The following GARRE1 variants were observed in gnomAD, a reference collection of about 807,000 sequenced individuals.
The protein encoded by GARRE1 is granule associated Rac and RHOG effector 1.
GARRE1 carries 49 observed loss-of-function variants against 103.2 expected under a neutral mutation model. The ratio of observed to expected loss-of-function variants is 0.47; its 90% confidence interval spans 0.38 to 0.60. The LOEUF (loss-of-function observed/expected upper bound fraction) is 0.60, where lower values mean the gene tolerates loss of function less well. GARRE1 is among the 20% of genes least tolerant of loss of function. The pLI is 0.00. For synonymous variants in GARRE1, 505 were observed against 532.8 expected, an observed-to-expected ratio of 0.95 and a Z score of 0.72; for missense variants, 1,199 against 1,370.5, an observed-to-expected ratio of 0.87 and a Z score of 1.98.
chr19:34,320,238 A>T (rs3745965), intron 3 of GARRE1, 122 bp downstream of exon 3: 81,774 of 838,232 alleles, frequency 0.098, 4,915 homozygotes, highest in African/African-American at 0.21. Context: ...AACTGTTATC[A>T]TTGGCTTGTT....
intron 1 of GARRE1, among the ~76,000 whole-genome samples, chr19:34,285,673 AC>A (rs796804929): frequency 6.6e-5 from 10 of 151,102 alleles, no homozygotes; most frequent in African/African-American, 9.7e-5. Context: ...CAGTTCCATG[AC>A]CTTTTTTTTT....
chr19:34,353,975 A>G lies in GARRE1; in HGVS notation c.*1020A>G, dbSNP rs1202198689. 1.3e-5 allele frequency: 2 copies of G among 152,658 alleles called. No individual in the cohort carries two copies. The highest frequency in any genetic ancestry group is 2.9e-5 in the Non-Finnish European group (2 of 68,040). 9.5% of individuals were successfully genotyped at this position (152,658 alleles called of 1,614,324 possible). ...GTTAACATGTGCCATTAAATAGATA[A>G]CATCCTGTGGATTTAGGGATATTTT... On this transcript the variant is annotated 3_prime_UTR_variant, in exon 14 of 14. Coordinates refer to ENST00000299505, the MANE Select transcript of GARRE1 (RefSeq NM_014686.5).
chr19:34,345,115 G>C (rs1239899741), intron 10 of GARRE1, among the ~76,000 whole-genome samples: 4 of 152,198 alleles, frequency 2.6e-5, no homozygotes, highest in Non-Finnish European at 4.4e-5. Context: ...TGGGATTACA[G>C]GCATGAGCCA....
At chr19:34,312,615 C>T (rs1233773432) in intron 2 of GARRE1, among the ~76,000 whole-genome samples, 2 of 152,186 alleles carry the variant, frequency 1.3e-5, no homozygotes, top group African/African-American at 4.8e-5. Flanking sequence ...TTGTAGCTCG[C>T]ATCAGAATTT....
chr19:34,318,471 GCT>G (rs1311290177), intron 2 of GARRE1, among the ~76,000 whole-genome samples: 2 of 152,234 alleles, frequency 1.3e-5, no homozygotes, highest in Non-Finnish European at 1.5e-5. Flanking sequence ...CTGTGAGTAG[GCT>G]CTCTCAGGTC....
intron 1 of GARRE1, among the ~76,000 whole-genome samples, chr19:34,264,572 G>T (rs2073739993): frequency 6.6e-6 from 1 of 152,082 alleles, no homozygotes; most frequent in Non-Finnish European, 1.5e-5. Flanking sequence ...CTAATTTTTT[G>T]TATTTTTAGT....
At chr19:34,289,994 G>A (rs2073908614) in intron 1 of GARRE1, among the ~76,000 whole-genome samples, 1 of 152,182 alleles carries the variant, frequency 6.6e-6, no homozygotes, top group African/African-American at 2.4e-5. Context: ...CTCAAATGCA[G>A]ATGTTCCTTG....
chr19:34,301,925 T>C (rs1228188883), intron 2 of GARRE1, among the ~76,000 whole-genome samples: 1 of 147,942 alleles, frequency 6.8e-6, no homozygotes, highest in East Asian at 2.0e-4. Context: ...CCTTGTGATC[T>C]GCCCGCCTTG....
intron 10 of GARRE1, among the ~76,000 whole-genome samples, chr19:34,345,891 T>C (rs2145283718): frequency 6.6e-6 from 1 of 152,372 alleles, no homozygotes; most frequent in East Asian, 1.9e-4. Flanking sequence ...TGGATACCTC[T>C]TCTGTCTGTA....
intron 7 of GARRE1, among the ~76,000 whole-genome samples, chr19:34,331,988 C>CT (rs988115951): frequency 7.0e-6 from 1 of 143,804 alleles, no homozygotes; most frequent in African/African-American, 2.6e-5. Flanking sequence ...AAGATCCAGT[C>CT]TTTAAAAAAA....
intron 10 of GARRE1, among the ~76,000 whole-genome samples, chr19:34,347,238 G>A (rs1568313031): frequency 6.6e-6 from 1 of 152,048 alleles, no homozygotes; most frequent in Non-Finnish European, 1.5e-5. Context: ...ACAGGCGCCT[G>A]CCACCGAACC....
intron 1 of GARRE1, chr19:34,296,548 T>G: frequency 6.3e-7 from 1 of 1,595,006 alleles, no homozygotes; most frequent in Non-Finnish European, 8.5e-7. Context: ...GCACGTGCAC[T>G]CATGGCCTTG....
At chr19:34,258,437 T>G (rs67243217) in intron 1 of GARRE1, among the ~76,000 whole-genome samples, 20,696 of 152,020 alleles carry the variant, frequency 0.14, 2,051 homozygotes, top group African/African-American at 0.27. Flanking sequence ...CTTTTTCTCC[T>G]GTTCAGTAAC....
intron 10 of GARRE1, among the ~76,000 whole-genome samples, chr19:34,346,931 T>C (rs1158073042): frequency 6.6e-6 from 1 of 151,470 alleles, no homozygotes; most frequent in Non-Finnish European, 1.5e-5. Context: ...TTTTGTTTTG[T>C]TTTGTTTTTA....
At chr19:34,317,166 C>T (rs760995538) in intron 2 of GARRE1, among the ~76,000 whole-genome samples, 2 of 152,188 alleles carry the variant, frequency 1.3e-5, no homozygotes, top group Admixed American at 1.3e-4. Context: ...TTTTCCTTCC[C>T]ATCCGTCTGT....
rs556247790 is a variant in GARRE1 at position 34,255,435 on chromosome 19, C to T, written c.-796+821C>T. 2.2e-4 allele frequency among the ~76,000 whole-genome samples: 33 copies of T among 152,338 alleles called. 1 individual carries two copies. Among genetic ancestry groups the T allele is most frequent in the Non-Finnish European group, 4.3e-4 (29 of 68,046 alleles). On this transcript the variant is annotated intron_variant, in intron 1 of 13. Coordinates refer to ENST00000299505, the MANE Select transcript of GARRE1 (RefSeq NM_014686.5). ...TTATAAAAGCAGTTAATTCTCCTTT[C>T]CTGGCAAAACACTCAAGACGACACA...
intron 2 of GARRE1, among the ~76,000 whole-genome samples, chr19:34,314,317 G>C (rs909383222): frequency 2.0e-5 from 3 of 151,842 alleles, no homozygotes; most frequent in Non-Finnish European, 2.9e-5. Flanking sequence ...ATATATTTTG[G>C]AAAGCAAACT....
intron 1 of GARRE1, among the ~76,000 whole-genome samples, chr19:34,276,775 A>G (rs917938163): frequency 6.6e-6 from 1 of 152,246 alleles, no homozygotes; most frequent in African/African-American, 2.4e-5. Context: ...AGTTTGCGCG[A>G]CAGTGCCACT....
At chr19:34,297,298 A>G (rs945701837) in intron 1 of GARRE1, among the ~76,000 whole-genome samples, 2 of 152,144 alleles carry the variant, frequency 1.3e-5, no homozygotes, top group Non-Finnish European at 2.9e-5. Context: ...AAAAAAAAAA[A>G]TATTTTGATA....
Sources: allele counts gnomAD v4.1 joint callset (sites outside exome capture counted in the v4.1 genomes callset), GRCh38; gene constraint gnomAD v4.1.1; transcripts MANE v1.5; gene names NCBI Gene and HGNC (gene_info 2026-07-23, HGNC 2026-07-21).